Variants in SGCD observed in about 807,000 individuals in gnomAD.
SGCD encodes the protein delta-sarcoglycan.
In SGCD, 18 loss-of-function variants were observed where a neutral mutation model predicts 36.6. The ratio of observed to expected loss-of-function variants is 0.49; its 90% CI spans 0.34 to 0.73. The LOEUF (loss-of-function observed/expected upper bound fraction) is 0.73. Ranked by LOEUF, SGCD falls within the 30% of genes least tolerant of loss-of-function variation. The pLI is 0.01. For missense variants in SGCD, 387 were observed against 346.7 expected (o/e 1.12, Z -0.92); for synonymous variants, 133 against 130.6 (o/e 1.02, Z -0.12).
chr5:156,460,228 G>A (rs11950842), intron 3 of SGCD, among the ~76,000 whole-genome samples: 8,779 of 152,212 alleles, frequency 0.058, 285 homozygotes, highest in South Asian at 0.091. Flanking sequence ...AAGCCAGAGA[G>A]GACAGTGTTG....
At chr5:156,492,269 A>T (rs924313569) in intron 3 of SGCD, among the ~76,000 whole-genome samples, 3 of 152,160 alleles carry the variant, frequency 2.0e-5, no homozygotes, top group African/African-American at 7.2e-5. Context: ...GAGTTACATC[A>T]TTCATAGAAT....
rs147260397 is a variant in SGCD at position 156,401,188 on chromosome 5, C to T, written c.192+56511C>T. On this transcript the variant is annotated intron_variant, in intron 3 of 8. Coordinates refer to ENST00000337851, the MANE Select transcript of SGCD (RefSeq NM_000337.6). Reference sequence around the variant, plus strand: ...AAACAGAAATTGAGATTCCCAGGACCCATGTTAGTCCTATTAAAGCAGCTA... The same window carrying T: ...AAACAGAAATTGAGATTCCCAGGACTCATGTTAGTCCTATTAAAGCAGCTA... Among the ~76,000 whole-genome samples the T allele has an allele frequency of 9.5e-4, 144 of 152,176 alleles. 1 individual carries two copies. Among genetic ancestry groups the T allele is most frequent in the Non-Finnish European group, 1.9e-3 (126 of 68,004 alleles).
intron 1 of SGCD, among the ~76,000 whole-genome samples, chr5:156,059,496 G>T (rs1760148288): frequency 6.8e-6 from 1 of 146,414 alleles, no homozygotes; most frequent in African/African-American, 2.5e-5. Flanking sequence ...CTGTGAGGTT[G>T]GAGTGGCAGC....
At chr5:156,152,527 G>A (rs1037448784) in intron 3 of SGCD, among the ~76,000 whole-genome samples, 1 of 151,526 alleles carries the variant, frequency 6.6e-6, no homozygotes, top group Non-Finnish European at 1.5e-5. Context: ...AGATTTTCAA[G>A]ACTTAGTATA....
At chr5:155,876,237 C>T (rs1053604825) in intron 1 of SGCD, among the ~76,000 whole-genome samples, 2 of 129,608 alleles carry the variant, frequency 1.5e-5, no homozygotes, top group African/African-American at 2.9e-5. Flanking sequence ...GTGTGATATT[C>T]CCCTTCCTGT....
chr5:156,503,676 G>A (rs1362553233), intron 3 of SGCD, among the ~76,000 whole-genome samples: 2 of 152,060 alleles, frequency 1.3e-5, no homozygotes, highest in Admixed American at 6.5e-5. Context: ...TTTTGAGCAA[G>A]TAACTTACTA....
At chr5:156,667,504 T>C (rs527793942) in intron 7 of SGCD, among the ~76,000 whole-genome samples, 1 of 152,310 alleles carries the variant, frequency 6.6e-6, no homozygotes, top group East Asian at 1.9e-4. Context: ...TAATAATTAT[T>C]TGGTCATAAG....
At chr5:156,514,627 C>A (rs892835636) in intron 4 of SGCD, among the ~76,000 whole-genome samples, 8 of 152,116 alleles carry the variant, frequency 5.3e-5, no homozygotes, top group African/African-American at 1.9e-4. Flanking sequence ...GTATGAAAAC[C>A]AGCATATAGA....
intron 1 of SGCD, among the ~76,000 whole-genome samples, chr5:155,955,888 C>G (rs536310460): frequency 1.6e-4 from 25 of 152,064 alleles, no homozygotes; most frequent in Non-Finnish European, 2.5e-4. Flanking sequence ...ATAGTCCCTA[C>G]CCTCAAACAG....
At chr5:156,010,545 T>C (rs1177519101) in intron 1 of SGCD, among the ~76,000 whole-genome samples, 1 of 152,208 alleles carries the variant, frequency 6.6e-6, no homozygotes, top group Non-Finnish European at 1.5e-5. Context: ...TTATGGTTTC[T>C]AGGTAATTAC....
intron 3 of SGCD, chr5:156,393,852 C>A (rs907472296): frequency 4.4e-6 from 2 of 456,016 alleles, no homozygotes; most frequent in African/African-American, 4.0e-5. Flanking sequence ...ATTCCAGTAC[C>A]CACTTTGCTG....
At chr5:156,502,120 C>A (rs1561739098) in intron 3 of SGCD, among the ~76,000 whole-genome samples, 1 of 150,308 alleles carries the variant, frequency 6.7e-6, no homozygotes, top group Non-Finnish European at 1.5e-5. Flanking sequence ...AATATTGGCT[C>A]ACTGCAAACT....
chr5:156,157,976 G>A lies in SGCD; in HGVS notation c.-44+33957G>A, dbSNP rs560264760. On this transcript the variant is annotated intron_variant, in intron 3 of 9. Coordinates refer to the SGCD transcript ENST00000517913. ...TTCAAATGTTAAAATTATGTGAGTCGCTCAAACTAATATTCTTCAAGAAGT... is the reference window on the plus strand; with the variant it reads ...TTCAAATGTTAAAATTATGTGAGTCACTCAAACTAATATTCTTCAAGAAGT... 2.0e-4 allele frequency among the ~76,000 whole-genome samples: 31 copies of A among 151,430 alleles called. No individual in the cohort carries two copies. In the South Asian group the frequency reaches 3.1e-3, roughly 15 times the overall value.
intron 1 of SGCD, among the ~76,000 whole-genome samples, chr5:156,051,105 A>C (rs1310957154): frequency 6.8e-6 from 1 of 146,838 alleles, no homozygotes; most frequent in East Asian, 1.9e-4. Flanking sequence ...TTTCATTTTA[A>C]AAAAGGTTTG....
chr5:156,082,466 T>TAA (rs1760980937), intron 1 of SGCD, among the ~76,000 whole-genome samples: 1 of 152,228 alleles, frequency 6.6e-6, no homozygotes, highest in Admixed American at 6.5e-5. Context: ...TAGTGTTCTA[T>TAA]AACTCAAATC....
intron 7 of SGCD, among the ~76,000 whole-genome samples, chr5:156,708,796 A>C (rs537726943): frequency 6.6e-6 from 1 of 152,328 alleles, no homozygotes; most frequent in South Asian, 2.1e-4. Context: ...CCAAAGAGAC[A>C]GTCAGATCCA....
rs570200528 is a variant in SGCD at position 156,229,277 on chromosome 5, C to CAT, written c.-43-100235_-43-100234dup. On this transcript the variant is annotated intron_variant, in intron 3 of 9. Transcript: ENST00000517913. Reference sequence around the variant, plus strand: ...ACATACATACATATATATATACATACATATATATATATATATATATATAAA... The same window carrying CAT: ...ACATACATACATATATATATACATACATATATATATATATATATATATATAAA... 1.0e-3 allele frequency among the ~76,000 whole-genome samples: 59 copies of CAT among 56,468 alleles called. 9 individuals carry two copies. The highest frequency in any genetic ancestry group is 1.4e-3 in the Admixed American group (6 of 4,182). The allele number at this position is 56,468 out of a possible 152,430, so 37.0% of individuals were successfully genotyped here. A position where few individuals can be genotyped will look rare whatever the true frequency, so the allele number is the denominator to read the frequency against.
intron 3 of SGCD, among the ~76,000 whole-genome samples, chr5:156,269,905 T>C (rs998700982): frequency 1.3e-5 from 2 of 152,250 alleles, no homozygotes; most frequent in Non-Finnish European, 2.9e-5. Flanking sequence ...CTTTTTGCTT[T>C]TGTTGCAATT....
At chr5:155,860,718 T>C in the SGCD span, among the ~76,000 whole-genome samples, 1 of 152,216 alleles carries the variant, frequency 6.6e-6, no homozygotes, top group Non-Finnish European at 1.5e-5. Context: ...TTCCCCTGTG[T>C]TTGGGTATGC....
Sources: allele counts gnomAD v4.1 joint callset (sites outside exome capture counted in the v4.1 genomes callset), GRCh38; gene constraint gnomAD v4.1.1; transcripts MANE v1.5; gene names NCBI Gene and HGNC (gene_info 2026-07-23, HGNC 2026-07-21).